GPC5: variants seen among roughly 807,000 people sequenced by gnomAD.
GPC5 encodes glypican-5.
In GPC5, 47 loss-of-function variants were observed where a neutral mutation model predicts 53.9. The ratio of observed to expected loss-of-function variants is 0.87; its 90% confidence interval spans 0.69 to 1.11. The LOEUF (loss-of-function observed/expected upper bound fraction) is 1.11, where lower values mean the gene tolerates loss of function less well. GPC5 is among the 50% of genes most tolerant of loss of function. The pLI is 0.00. For synonymous variants in GPC5, 286 were observed against 263.3 expected (o/e 1.09, Z -0.84); for missense variants, 748 against 713.1 (o/e 1.05, Z -0.56).
chr13:91,574,185 T>C (rs1199123878), intron 2 of GPC5, among the ~76,000 whole-genome samples: 5 of 152,172 alleles, frequency 3.3e-5, no homozygotes, highest in African/African-American at 1.2e-4. Context: ...TGGAACTTGT[T>C]TGACCTAAAT....
At chr13:92,628,264 C>CTTTTTTTTTTTTTTTTTCTTTTTTTTT (rs1885116285) in intron 7 of GPC5, among the ~76,000 whole-genome samples, 1 of 45,338 alleles carries the variant, frequency 2.2e-5, no homozygotes, top group Non-Finnish European at 4.3e-5. Context: ...CTTTTTCTTT[C>CTTTTTTTTTTTTTTTTTCTTTTTTTTT]TTTTTTTTTT....
rs200243903 is a variant in GPC5 at position 92,797,862 on chromosome 13, TA to T, written c.1562-68419del. Among the ~76,000 whole-genome samples the T allele has an allele frequency of 8.7e-4, 124 of 142,798 alleles. 1 individual carries two copies. Among genetic ancestry groups the T allele is most frequent in the Admixed American group, 2.0e-3 (28 of 13,970 alleles). The allele number at this position is 142,798 out of a possible 152,430, so 93.7% of individuals were successfully genotyped here. ...ATAGATAGATAGATAGATAGATAGA[TA>T]GATAGATGATAGATGATAGATAGTA... is the stretch of plus-strand genomic sequence containing the variant. On this transcript the variant is annotated intron_variant, in intron 7 of 7. Coordinates refer to ENST00000377067, the MANE Select transcript of GPC5 (RefSeq NM_004466.6).
chr13:91,849,098 C>T (rs1369153652), intron 5 of GPC5, among the ~76,000 whole-genome samples: 2 of 152,194 alleles, frequency 1.3e-5, no homozygotes, highest in African/African-American at 2.4e-5. Context: ...AGTATCTCTG[C>T]AACTCTTTCC....
intron 7 of GPC5, among the ~76,000 whole-genome samples, chr13:92,831,261 C>T (rs1372176833): frequency 6.6e-6 from 1 of 152,084 alleles, no homozygotes; most frequent in Non-Finnish European, 1.5e-5. Context: ...ATCATTCTTG[C>T]ACTTGAAGAG....
intron 7 of GPC5, 59 bp downstream of exon 7, chr13:92,145,048 G>A: frequency 2.4e-6 from 3 of 1,251,168 alleles, no homozygotes; most frequent in Non-Finnish European, 3.1e-6. Context: ...TATAATTAAA[G>A]ATATTGTTAT....
At chr13:92,323,490 T>G (rs1329751868) in intron 7 of GPC5, among the ~76,000 whole-genome samples, 1 of 151,692 alleles carries the variant, frequency 6.6e-6, no homozygotes, top group African/African-American at 2.4e-5. Context: ...AGAGCTGGCA[T>G]GCTTTAGGCA....
intron 7 of GPC5, among the ~76,000 whole-genome samples, chr13:92,510,471 T>C (rs1368773877): frequency 6.6e-6 from 1 of 152,218 alleles, no homozygotes; most frequent in East Asian, 1.9e-4. Flanking sequence ...CTCAGCTGCA[T>C]AGAAACAACT....
chr13:92,259,578 A>G (rs1256753550), intron 7 of GPC5, among the ~76,000 whole-genome samples: 1 of 152,130 alleles, frequency 6.6e-6, no homozygotes, highest in Middle Eastern at 3.2e-3. Flanking sequence ...CTTGCCTTGC[A>G]CTTTGACTCC....
At chr13:91,486,889 A>C (rs1457694566) in intron 2 of GPC5, 1 of 152,216 alleles carries the variant, frequency 6.6e-6, no homozygotes, top group Non-Finnish European at 1.5e-5. Context: ...GTTGAATTGA[A>C]GAATTGCTTT....
chr13:92,117,902 T>C (rs1387820021), intron 6 of GPC5, among the ~76,000 whole-genome samples: 1 of 152,188 alleles, frequency 6.6e-6, no homozygotes, highest in East Asian at 1.9e-4. Context: ...GAAACAGGTT[T>C]GTTTCTTCCT....
intron 7 of GPC5, among the ~76,000 whole-genome samples, chr13:92,677,517 C>T (rs972983373): frequency 6.6e-6 from 1 of 152,194 alleles, no homozygotes; most frequent in African/African-American, 2.4e-5. Context: ...CATGGACTTA[C>T]AGCCAGTGAG....
intron 7 of GPC5, among the ~76,000 whole-genome samples, chr13:92,256,832 T>C (rs749607097): frequency 6.6e-6 from 1 of 152,140 alleles, no homozygotes; most frequent in Non-Finnish European, 1.5e-5. Flanking sequence ...TTTGCTTTGT[T>C]TGACCTTTCT....
intron 7 of GPC5, among the ~76,000 whole-genome samples, chr13:92,528,340 G>A (rs1881437108): frequency 6.6e-6 from 1 of 152,102 alleles, no homozygotes; most frequent in African/African-American, 2.4e-5. Context: ...ACTAATGTAA[G>A]TCATGCCAAT....
At chr13:92,561,384 A>C (rs535101015) in intron 7 of GPC5, among the ~76,000 whole-genome samples, 1 of 151,992 alleles carries the variant, frequency 6.6e-6, no homozygotes, top group Non-Finnish European at 1.5e-5. Flanking sequence ...CATCTCTGCC[A>C]TTTGCCAAAG....
chr13:92,099,396 C>G (rs964540914), intron 6 of GPC5, among the ~76,000 whole-genome samples: 2 of 152,162 alleles, frequency 1.3e-5, no homozygotes, highest in African/African-American at 2.4e-5. Context: ...TGACATATCA[C>G]GCTCTTTAGT....
At chr13:92,198,877 G>C (rs984799112) in intron 7 of GPC5, among the ~76,000 whole-genome samples, 1 of 152,068 alleles carries the variant, frequency 6.6e-6, no homozygotes, top group Non-Finnish European at 1.5e-5. Flanking sequence ...TCTGAACCAG[G>C]TCTTATTCCA....
At chr13:91,952,189 CTGTGTG>C (rs1555299530) in intron 6 of GPC5, among the ~76,000 whole-genome samples, 1 of 119,316 alleles carries the variant, frequency 8.4e-6, no homozygotes, top group South Asian at 3.8e-4. Context: ...CTCTCTCTCT[CTGTGTG>C]TGTGTGTGTG....
intron 7 of GPC5, among the ~76,000 whole-genome samples, chr13:92,570,698 C>T (rs957496133): frequency 1.3e-5 from 2 of 151,906 alleles, no homozygotes; most frequent in African/African-American, 4.8e-5. Flanking sequence ...GGAGGAAAAT[C>T]CATATACAAC....
chr13:92,342,060 C>T (rs1394894657), intron 7 of GPC5, among the ~76,000 whole-genome samples: 6 of 152,178 alleles, frequency 3.9e-5, no homozygotes, highest in Non-Finnish European at 8.8e-5. Flanking sequence ...TCTCAATTCC[C>T]TGATACCTTC....
Sources: gnomAD v4.1 joint callset for allele counts (sites outside exome capture counted in the v4.1 genomes callset) on GRCh38, gnomAD v4.1.1 for gene constraint, MANE v1.5 for transcripts, NCBI Gene and HGNC (gene_info 2026-07-23, HGNC 2026-07-21) for gene names.